The following MMP16 variants were observed in gnomAD, a reference collection of about 807,000 sequenced individuals.
MMP16 encodes matrix metallopeptidase 16, also known as matrix metalloproteinase-16.
A neutral mutation model predicts 67.8 loss-of-function variants in MMP16; 12 were observed. That is an observed-to-expected ratio of 0.18 (90% confidence interval 0.11 to 0.29). The LOEUF is 0.29. Among genes scored for constraint, MMP16 ranks in the 10% least tolerant of loss-of-function variants. The probability of loss-of-function intolerance (pLI) is 1.00; values close to 1 mark genes in which losing one functional copy is unlikely to be tolerated. For synonymous variants in MMP16, 249 were observed against 255.9 expected, an observed-to-expected ratio of 0.97 and a Z score of 0.26; for missense variants, 475 against 765.7, an observed-to-expected ratio of 0.62 and a Z score of 4.48.
chr8:88,299,546 T>A (rs1013846690), intron 1 of MMP16, among the ~76,000 whole-genome samples: 1 of 152,050 alleles, frequency 6.6e-6, no homozygotes, highest in Non-Finnish European at 1.5e-5. Flanking sequence ...AGTGGATAAT[T>A]CCACCTGCCA....
chr8:88,269,847 A>C (rs1810537912), intron 1 of MMP16, among the ~76,000 whole-genome samples: 1 of 152,206 alleles, frequency 6.6e-6, no homozygotes, highest in Admixed American at 6.5e-5. Context: ...TTTCAAAGAA[A>C]AACCAGACAA....
chr8:88,238,081 G>T lies in MMP16; in HGVS notation c.133-40775C>A, dbSNP rs140159784. Reference sequence around the variant, plus strand: ...AAATATACCTATTGTGTTTATGAAAGTTAGGTGAAATATGGTGAACCTGTC... The same window carrying T: ...AAATATACCTATTGTGTTTATGAAATTTAGGTGAAATATGGTGAACCTGTC... On this transcript the variant is annotated intron_variant, in intron 1 of 9. Transcript: ENST00000286614. Among the ~76,000 whole-genome samples the T allele has an allele frequency of 4.9e-4, 75 of 152,318 alleles. No individual in the cohort carries two copies. The East Asian group carries it at 0.014, about 29-fold the overall frequency.
intron 4 of MMP16, among the ~76,000 whole-genome samples, chr8:88,141,801 CAACAT>C (rs1296426222): frequency 2.6e-5 from 4 of 152,084 alleles, no homozygotes; most frequent in Non-Finnish European, 5.9e-5. Context: ...TTCTGAAAAA[CAACAT>C]AACAACATAT....
At chr8:88,284,118 C>A (rs28986505) in intron 1 of MMP16, among the ~76,000 whole-genome samples, 1 of 152,172 alleles carries the variant, frequency 6.6e-6, no homozygotes, top group Non-Finnish European at 1.5e-5. Context: ...ATTGTCTTTA[C>A]TTGTTCTAGT....
At chr8:88,148,325 T>C (rs1808329676) in intron 4 of MMP16, among the ~76,000 whole-genome samples, 2 of 152,220 alleles carry the variant, frequency 1.3e-5, no homozygotes, top group Admixed American at 6.5e-5. Flanking sequence ...ATCCTGGAGA[T>C]TAATCTATTG....
In MMP16 at chr8:88,041,902, C is replaced by T; in HGVS notation, c.1490-107G>A. The stretch of plus-strand genomic sequence containing the variant: ...ATGTCTTAAGAGATGTATTTTAAGG[C>T]CCTTTAATTTTCATAGGAAGAAAAC... On this transcript the variant is annotated intron_variant, in intron 9 of 9. Transcript: ENST00000286614. This position sits in a 1 kb window ranked among gnomAD's most constrained non-coding sequence, Gnocchi z 6.0. 2.4e-6 allele frequency: 2 copies of T among 839,228 alleles called. No homozygotes were observed. The highest frequency in any genetic ancestry group is 1.8e-5 in the South Asian group (1 of 55,118). 52.0% of individuals were successfully genotyped at this position (839,228 alleles called of 1,614,324 possible).
intron 1 of MMP16, among the ~76,000 whole-genome samples, chr8:88,260,376 G>T (rs1585984381): frequency 2.0e-5 from 3 of 151,936 alleles, no homozygotes; most frequent in Non-Finnish European, 4.4e-5. Context: ...TATTTTCCTT[G>T]CTACTTAAGA....
At chr8:88,302,847 T>C (rs1001147810) in intron 1 of MMP16, among the ~76,000 whole-genome samples, 2 of 152,004 alleles carry the variant, frequency 1.3e-5, no homozygotes, top group Non-Finnish European at 1.5e-5. Context: ...ACTAGGCAAA[T>C]AGCTCGACCC....
At chr8:88,141,416 A>C (rs1808208647) in intron 4 of MMP16, among the ~76,000 whole-genome samples, 1 of 152,172 alleles carries the variant, frequency 6.6e-6, no homozygotes, top group African/African-American at 2.4e-5. Context: ...AAAATCAGGT[A>C]TTTAGCTGGA....
At chr8:88,048,820 A>C (rs960058875) in intron 8 of MMP16, among the ~76,000 whole-genome samples, 1 of 152,190 alleles carries the variant, frequency 6.6e-6, no homozygotes, top group Non-Finnish European at 1.5e-5. Context: ...ATTATCTTTG[A>C]CTTAGCCATT....
chr8:88,232,552 A>T (rs1809878499), intron 1 of MMP16, among the ~76,000 whole-genome samples: 2 of 152,134 alleles, frequency 1.3e-5, no homozygotes, highest in South Asian at 4.1e-4. Context: ...GTATGGTGAG[A>T]CTCTTCATAG....
intron 6 of MMP16, among the ~76,000 whole-genome samples, chr8:88,094,021 G>A (rs1333468842): frequency 6.6e-6 from 1 of 151,790 alleles, no homozygotes; most frequent in Non-Finnish European, 1.5e-5. Context: ...TTAGTATAAG[G>A]CGGGTCTGTC....
At chr8:88,239,212 T>C (rs938767738) in intron 1 of MMP16, among the ~76,000 whole-genome samples, 1 of 136,920 alleles carries the variant, frequency 7.3e-6, no homozygotes, top group Non-Finnish European at 1.5e-5. Context: ...GGAGGATCGC[T>C]GGAACCCAGG....
At chr8:88,270,565 C>A (rs1810548922) in intron 1 of MMP16, among the ~76,000 whole-genome samples, 1 of 152,068 alleles carries the variant, frequency 6.6e-6, no homozygotes, top group African/African-American at 2.4e-5. Flanking sequence ...GATAAGGAAG[C>A]AGAGAATCAG....
At chr8:88,272,947 G>C (rs1415752869) in intron 1 of MMP16, among the ~76,000 whole-genome samples, 2 of 150,806 alleles carry the variant, frequency 1.3e-5, no homozygotes, top group African/African-American at 4.9e-5. Context: ...TCAAAGGAAA[G>C]AGAACTGGAA....
intron 1 of MMP16, among the ~76,000 whole-genome samples, chr8:88,228,046 A>G (rs562502943): frequency 1.3e-5 from 2 of 152,196 alleles, no homozygotes; most frequent in South Asian, 4.1e-4. Flanking sequence ...TTCAAACACG[A>G]CTAATCAAAG....
chr8:88,050,925 A>C (rs1382927839), intron 8 of MMP16, among the ~76,000 whole-genome samples: 3 of 152,340 alleles, frequency 2.0e-5, no homozygotes, highest in Middle Eastern at 3.4e-3. Context: ...AATGGAATGT[A>C]AATTTTATTA....
At chr8:88,189,867 A>G (rs1197361684) in intron 2 of MMP16, among the ~76,000 whole-genome samples, 1 of 152,158 alleles carries the variant, frequency 6.6e-6, no homozygotes, top group Non-Finnish European at 1.5e-5. Flanking sequence ...GTCTGTCTCT[A>G]TCTACCACTG....
intron 1 of MMP16, among the ~76,000 whole-genome samples, chr8:88,272,662 C>G (rs763992380): frequency 1.3e-5 from 2 of 152,048 alleles, no homozygotes; most frequent in South Asian, 4.1e-4. Context: ...TCACAAGGAA[C>G]GGGAAAGTGG....
Sources: gnomAD v4.1 joint callset for allele counts (sites outside exome capture counted in the v4.1 genomes callset) on GRCh38, gnomAD v4.1.1 for gene constraint, Gnocchi (gnomAD v3.1) non-coding constraint, MANE v1.5 for transcripts, NCBI Gene and HGNC (gene_info 2026-07-23, HGNC 2026-07-21) for gene names.